TBC1D16: variants seen among roughly 807,000 people sequenced by gnomAD.
TBC1D16 encodes TBC1 domain family member 16.
In TBC1D16, 58 loss-of-function variants were observed where a neutral mutation model predicts 74.7. The observed-to-expected ratio is 0.78, with a 90% confidence interval of 0.63 to 0.97. The LOEUF (loss-of-function observed/expected upper bound fraction) is 0.97, where lower values mean the gene tolerates loss of function less well. Ranked by LOEUF, TBC1D16 falls within the 50% of genes least tolerant of loss-of-function variation. The probability of loss-of-function intolerance (pLI) is 0.00; values close to 1 mark genes in which losing one functional copy is unlikely to be tolerated. For synonymous variants in TBC1D16, 493 were observed against 474.7 expected, an observed-to-expected ratio of 1.04 and a Z score of -0.50; for missense variants, 1,014 against 1,079.5, an observed-to-expected ratio of 0.94 and a Z score of 0.85.
At chr17:79,968,539 A>G (rs2033935348) in intron 3 of TBC1D16, among the ~76,000 whole-genome samples, 2 of 152,206 alleles carry the variant, frequency 1.3e-5, no homozygotes, top group Admixed American at 1.3e-4. Context: ...TGATTTCATA[A>G]AAATTTAAAA....
chr17:80,016,346 C>T (rs1053207275), intron 1 of TBC1D16, among the ~76,000 whole-genome samples: 2 of 152,094 alleles, frequency 1.3e-5, no homozygotes, highest in Non-Finnish European at 2.9e-5. Context: ...ACAGTGGCGG[C>T]GGCTCTACAA....
In TBC1D16 at chr17:79,936,937, T is replaced by TGC. The variant is rs1311560269; in HGVS notation, c.*3921_*3922insGC. Reference sequence around the variant, plus strand: ...GTGTGTGTGTGTGTGTGTGTGTGTGTGTGCGCATTTTCCCAGGGGACCTCT... The same window carrying TGC: ...GTGTGTGTGTGTGTGTGTGTGTGTGTGCGTGCGCATTTTCCCAGGGGACCTCT... On this transcript the variant is annotated 3_prime_UTR_variant, in exon 12 of 12. Transcript: ENST00000310924. 1 of 150,892 alleles carries TGC rather than the reference T, an allele frequency of 6.6e-6. No individual in the cohort carries two copies. The highest frequency in any genetic ancestry group is 1.5e-5 in the Non-Finnish European group (1 of 68,332). The allele number at this position is 150,892 out of a possible 1,614,324, so 9.3% of individuals were successfully genotyped here. A position where few individuals can be genotyped will look rare whatever the true frequency, so the allele number is the denominator to read the frequency against.
intron 1 of TBC1D16, among the ~76,000 whole-genome samples, chr17:80,029,025 C>G (rs1402571148): frequency 6.6e-6 from 1 of 152,120 alleles, no homozygotes; most frequent in African/African-American, 2.4e-5. Flanking sequence ...GGCCATTCCT[C>G]AACAAAAATA....
intron 3 of TBC1D16, among the ~76,000 whole-genome samples, chr17:79,991,673 T>C (rs1396115348): frequency 3.8e-5 from 5 of 131,006 alleles, no homozygotes; most frequent in African/African-American, 5.7e-5. Flanking sequence ...GCGCAGGCAG[T>C]GCTGCCCTCC....
At position 79,990,838 on chromosome 17, in the gene TBC1D16, A is replaced by G. The variant is rs1374466764; in HGVS notation, c.779+19322T>C. ...GGGTCGCACACAAGTGGAATCACAC[A>G]GATTTGGCCCCTTATGTCTGGCTCA... On this transcript the variant is annotated intron_variant, in intron 3 of 11. Coordinates refer to ENST00000310924, the MANE Select transcript of TBC1D16 (RefSeq NM_019020.4). The surrounding 1 kb of genome is among the most constrained non-coding windows in gnomAD (Gnocchi z 4.8). Among the ~76,000 whole-genome samples the G allele has an allele frequency of 6.6e-6, 1 of 152,162 alleles. No homozygotes were observed. The highest frequency in any genetic ancestry group is 1.5e-5 in the Non-Finnish European group (1 of 68,036).
chr17:79,937,366 T>C lies in TBC1D16; in HGVS notation c.*3493A>G, dbSNP rs529562779. On this transcript the variant is annotated 3_prime_UTR_variant, in exon 12 of 12. Transcript: ENST00000310924. ...CCCTTAGCCCAAGGGGAGTCCTCAT[T>C]CCAGAGCCAGCATCTTCATCTTGTC... 1.1e-5 allele frequency: 1 copy of C among 92,106 alleles called. No individual in the cohort carries two copies. Among genetic ancestry groups the C allele is most frequent in the African/African-American group, 3.5e-5 (1 of 28,672 alleles). The allele number at this position is 92,106 out of a possible 1,614,324, so 5.7% of individuals were successfully genotyped here. A position where few individuals can be genotyped will look rare whatever the true frequency, so the allele number is the denominator to read the frequency against.
chr17:79,942,000 C>A lies in TBC1D16; in HGVS notation c.2055+60G>T. Reference sequence around the variant, plus strand: ...GCAGCCTCACCTTTCTGAGAACGAGCTGGTGGGGTGGGGCTTTGGGGGCGG... The same window carrying A: ...GCAGCCTCACCTTTCTGAGAACGAGATGGTGGGGTGGGGCTTTGGGGGCGG... On this transcript the variant is annotated intron_variant, in intron 11 of 11. Coordinates refer to ENST00000310924, the MANE Select transcript of TBC1D16 (RefSeq NM_019020.4). The surrounding 1 kb of genome is among the most constrained non-coding windows in gnomAD (Gnocchi z 4.3). 1 of 1,178,216 alleles carries A rather than the reference C, an allele frequency of 8.5e-7. No individual in the cohort carries two copies. Among genetic ancestry groups the A allele is most frequent in the Non-Finnish European group, 1.1e-6 (1 of 922,020 alleles). 73.0% of individuals were successfully genotyped at this position (1,178,216 alleles called of 1,614,324 possible). A position where few individuals can be genotyped will look rare whatever the true frequency, so the allele number is the denominator to read the frequency against.
chr17:79,941,963 C>T lies in TBC1D16; in HGVS notation c.2055+97G>A. 8.2e-7 allele frequency: 1 copy of T among 1,222,304 alleles called. No individual in the cohort carries two copies. The allele number at this position is 1,222,304 out of a possible 1,614,324, so 75.7% of individuals were successfully genotyped here. ...TGGGGATGGGGCTCTGGGGGCGGGG[C>T]CCACATCTGGGGCAGCCTCACCTTT... is the stretch of plus-strand genomic sequence containing the variant. On this transcript the variant is annotated intron_variant, in intron 11 of 11. Coordinates refer to ENST00000310924, the MANE Select transcript of TBC1D16 (RefSeq NM_019020.4). The surrounding 1 kb of genome is among the most constrained non-coding windows in gnomAD (Gnocchi z 4.3).
rs2034107196 is a variant in TBC1D16 at position 79,971,599 on chromosome 17, TAG to T, written c.780-18783_780-18782del. ...TTTGGAATAATGGCTCAGGGGCAAT[TAG>T]AAAAGAAGAGTCTTTAACGTATTCT... is the stretch of plus-strand genomic sequence containing the variant. On this transcript the variant is annotated intron_variant, in intron 3 of 11. Coordinates refer to ENST00000310924, the MANE Select transcript of TBC1D16 (RefSeq NM_019020.4). The surrounding 1 kb of genome is among the most constrained non-coding windows in gnomAD (Gnocchi z 4.6). Among the ~76,000 whole-genome samples the T allele has an allele frequency of 6.6e-6, 1 of 152,140 alleles. No individual in the cohort carries two copies. The highest frequency in any genetic ancestry group is 1.5e-5 in the Non-Finnish European group (1 of 68,032).
At position 80,025,110 on chromosome 17, in the gene TBC1D16, A is replaced by ACT. The variant is rs1441139477; in HGVS notation, c.-63+10684_-63+10685insAG. Among the ~76,000 whole-genome samples the ACT allele has an allele frequency of 3.7e-3, 40 of 10,850 alleles. 12 individuals carry two copies. The highest frequency in any genetic ancestry group is 9.1e-3 in the African/African-American group (23 of 2,538). 7.1% of individuals were successfully genotyped at this position (10,850 alleles called of 152,430 possible). On this transcript the variant is annotated intron_variant, in intron 1 of 11. Transcript: ENST00000310924. ...TGACACACACACACCATATACACAC[A>ACT]AACACCACAGACACACACACACCAT... is the stretch of plus-strand genomic sequence containing the variant.
chr17:79,977,739 G>A (rs1443884718), intron 3 of TBC1D16, among the ~76,000 whole-genome samples: 2 of 152,244 alleles, frequency 1.3e-5, no homozygotes, highest in Non-Finnish European at 1.5e-5. Context: ...ATGTGCACAC[G>A]GCGGTACTGG....
chr17:79,952,637 C>T lies in TBC1D16; in HGVS notation c.941+20G>A, dbSNP rs191320216. The T allele has an allele frequency of 9.5e-4, 1,498 of 1,576,594 alleles. 1 individual carries two copies. Among genetic ancestry groups the T allele is most frequent in the Admixed American group, 1.7e-3 (100 of 57,852 alleles). ...CACACACAGGCCAACTCCCAGGAGG[C>T]GCCCAGAGATGCTTCCTACCTGAAG... is the stretch of plus-strand genomic sequence containing the variant. On this transcript the variant is annotated intron_variant, in intron 4 of 11. Coordinates refer to ENST00000310924, the MANE Select transcript of TBC1D16 (RefSeq NM_019020.4).
Position 79,980,606 on chromosome 17 carries a change from A to G in TBC1D16, c.780-27788T>C, listed in dbSNP as rs920175606. On this transcript the variant is annotated intron_variant, in intron 3 of 11. Coordinates refer to ENST00000310924, the MANE Select transcript of TBC1D16 (RefSeq NM_019020.4). The surrounding 1 kb of genome is among the most constrained non-coding windows in gnomAD (Gnocchi z 7.0). ...AGTGTAGGGACTGGCGAAGAGACAC[A>G]GTGGGTGGCAGGAACGGGGAACAGA... Among the ~76,000 whole-genome samples the G allele has an allele frequency of 1.5e-4, 23 of 152,180 alleles. No homozygotes were observed. The highest frequency in any genetic ancestry group is 1.5e-4 in the Non-Finnish European group (10 of 68,032).
intron 1 of TBC1D16, among the ~76,000 whole-genome samples, chr17:80,017,951 C>T (rs72848438): frequency 0.075 from 11,471 of 152,178 alleles, 462 homozygotes; most frequent in Non-Finnish European, 0.091. Context: ...AAAAATCACA[C>T]TGCAAACTAC....
At chr17:79,945,635 C>T (rs999553932) in intron 9 of TBC1D16, among the ~76,000 whole-genome samples, 84 of 152,334 alleles carry the variant, frequency 5.5e-4, no homozygotes, top group Middle Eastern at 3.4e-3. Flanking sequence ...TGGCAGCACT[C>T]GGGCCCAGGC....
At chr17:79,960,380 A>G (rs2033539088) in intron 3 of TBC1D16, among the ~76,000 whole-genome samples, 1 of 152,200 alleles carries the variant, frequency 6.6e-6, no homozygotes, top group South Asian at 2.1e-4. Context: ...TTATTAGAGA[A>G]ATGCAAATAG....
chr17:79,992,599 GAGGCTCCC>G (rs1232342833), intron 3 of TBC1D16, among the ~76,000 whole-genome samples: 1 of 152,208 alleles, frequency 6.6e-6, no homozygotes, highest in Non-Finnish European at 1.5e-5. Flanking sequence ...CCGCCAGTCC[GAGGCTCCC>G]AGGAGAGGCC....
chr17:80,027,997 C>T (rs370109363), intron 1 of TBC1D16, among the ~76,000 whole-genome samples: 47 of 151,220 alleles, frequency 3.1e-4, no homozygotes, highest in East Asian at 2.1e-3. Context: ...TATTTTGAAA[C>T]GGTGATGTCC....
chr17:80,021,788 C>T (rs2036291804), intron 1 of TBC1D16, among the ~76,000 whole-genome samples: 1 of 148,928 alleles, frequency 6.7e-6, no homozygotes, highest in Non-Finnish European at 1.5e-5. Context: ...ACACACCACA[C>T]TCTACACACA....
Sources: gnomAD v4.1 joint callset for allele counts (sites outside exome capture counted in the v4.1 genomes callset) on GRCh38, gnomAD v4.1.1 for gene constraint, Gnocchi (gnomAD v3.1) non-coding constraint, MANE v1.5 for transcripts, NCBI Gene and HGNC (gene_info 2026-07-23, HGNC 2026-07-21) for gene names.